The following RANBP2 variants were observed in gnomAD, a reference collection of about 807,000 sequenced individuals.
RANBP2 encodes the protein RAN binding protein 2.
In RANBP2, 57 loss-of-function variants were observed where a neutral mutation model predicts 303.6. That is an observed-to-expected ratio of 0.19 (90% confidence interval 0.15 to 0.23). The LOEUF is 0.23. Ranked by LOEUF, RANBP2 falls within the 10% of genes least tolerant of loss-of-function variation. The probability of loss-of-function intolerance (pLI) is 1.00; values close to 1 mark genes in which losing one functional copy is unlikely to be tolerated. For synonymous variants in RANBP2, 1,167 were observed against 1,301.5 expected, an observed-to-expected ratio of 0.90 and a Z score of 2.23; for missense variants, 3,138 against 3,780.8, an observed-to-expected ratio of 0.83 and a Z score of 4.46.
the RANBP2 span, among the ~76,000 whole-genome samples, chr2:109,259,055 C>G: frequency 6.6e-6 from 1 of 152,260 alleles, no homozygotes. Context: ...CTTGTGCTGC[C>G]AGGGCCCTAG....
At chr2:109,725,248 A>T in the RANBP2 span, among the ~76,000 whole-genome samples, 4 of 152,084 alleles carry the variant, frequency 2.6e-5, no homozygotes, top group Non-Finnish European at 5.9e-5. Flanking sequence ...AGGTCCTCCC[A>T]CCTGAGCCCA....
chr2:108,847,057 T>A, the RANBP2 span: 4 of 628,226 alleles, frequency 6.4e-6, no homozygotes, highest in Non-Finnish European at 1.1e-5. Flanking sequence ...TTATAATGGT[T>A]ACACATTATA....
At chr2:108,971,409 G>C in the RANBP2 span, among the ~76,000 whole-genome samples, 1 of 151,854 alleles carries the variant, frequency 6.6e-6, no homozygotes, top group Non-Finnish European at 1.5e-5. Context: ...CAGGTGATTT[G>C]CGTGCAAATC....
chr2:109,477,832 C>T, the RANBP2 span, among the ~76,000 whole-genome samples: 1 of 152,188 alleles, frequency 6.6e-6, no homozygotes, highest in South Asian at 2.1e-4. Context: ...CTCCCAGAGA[C>T]CCCACCTCCT....
At chr2:109,430,926 A>G in the RANBP2 span, among the ~76,000 whole-genome samples, 14 of 152,228 alleles carry the variant, frequency 9.2e-5, no homozygotes, top group African/African-American at 2.9e-4. Flanking sequence ...GACACCTATC[A>G]ACAAAGGAAA....
the RANBP2 span, among the ~76,000 whole-genome samples, chr2:109,650,064 G>C: frequency 1.3e-4 from 20 of 152,142 alleles, no homozygotes; most frequent in African/African-American, 4.6e-4. Flanking sequence ...ACAGTAATAT[G>C]GGTGACTTTC....
chr2:109,616,011 C>G, the RANBP2 span: 8 of 1,533,878 alleles, frequency 5.2e-6, no homozygotes, highest in Non-Finnish European at 7.0e-6. Flanking sequence ...GGAGGAACGA[C>G]CTGTTAAAGG....
chr2:109,370,227 G>GTCTCTGTCTCTC, the RANBP2 span, among the ~76,000 whole-genome samples: 3 of 96,642 alleles, frequency 3.1e-5, no homozygotes, highest in Non-Finnish European at 6.9e-5. Context: ...CTCTGTCTCT[G>GTCTCTGTCTCTC]TCTCTCTCTC....
the RANBP2 span, among the ~76,000 whole-genome samples, chr2:108,892,409 T>G: frequency 2.6e-5 from 4 of 152,170 alleles, no homozygotes; most frequent in Middle Eastern, 3.2e-3. Context: ...TGTTTGTTTC[T>G]TAGCCCTGGC....
At chr2:109,446,886 C>T in the RANBP2 span, among the ~76,000 whole-genome samples, 4 of 152,158 alleles carry the variant, frequency 2.6e-5, no homozygotes, top group East Asian at 3.9e-4. Context: ...GTCCCAACGC[C>T]GAGGGCCACA....
the RANBP2 span, among the ~76,000 whole-genome samples, chr2:109,764,157 T>C: frequency 1.3e-5 from 2 of 150,168 alleles, no homozygotes; most frequent in African/African-American, 4.9e-5. Context: ...TAATTCCACT[T>C]CCAGTTTCTG....
the RANBP2 span, among the ~76,000 whole-genome samples, chr2:109,272,984 A>G: frequency 2.0e-5 from 3 of 152,198 alleles, no homozygotes; most frequent in African/African-American, 7.2e-5. Flanking sequence ...TACTGGAAGA[A>G]ATTAAAACAG....
chr2:109,171,406 A>G, the RANBP2 span, among the ~76,000 whole-genome samples: 1 of 152,322 alleles, frequency 6.6e-6, no homozygotes, highest in South Asian at 2.1e-4. Flanking sequence ...TTCGGAGAAA[A>G]TTATCTGCAT....
chr2:109,239,624 A>G, the RANBP2 span, among the ~76,000 whole-genome samples: 1 of 152,174 alleles, frequency 6.6e-6, no homozygotes, highest in African/African-American at 2.4e-5. Context: ...ATCATCCAGG[A>G]TAACAGGGAG....
chr2:109,323,771 T>G, the RANBP2 span, among the ~76,000 whole-genome samples: 1 of 152,252 alleles, frequency 6.6e-6, no homozygotes, highest in Admixed American at 6.5e-5. Flanking sequence ...ACATGTTTTA[T>G]AGATGTTAAT....
At chr2:108,982,421 G>A in the RANBP2 span, among the ~76,000 whole-genome samples, 1 of 152,252 alleles carries the variant, frequency 6.6e-6, no homozygotes, top group African/African-American at 2.4e-5. Context: ...CATGCAGCCA[G>A]TCCTTTAAGA....
chr2:109,302,037 TC>T, the RANBP2 span, among the ~76,000 whole-genome samples: 4 of 152,224 alleles, frequency 2.6e-5, no homozygotes, highest in South Asian at 8.3e-4. Flanking sequence ...TAGAGGTTTT[TC>T]TTTCTAGAGC....
At chr2:108,947,174 A>C in the RANBP2 span, among the ~76,000 whole-genome samples, 1 of 152,228 alleles carries the variant, frequency 6.6e-6, no homozygotes, top group African/African-American at 2.4e-5. Flanking sequence ...ATTAAATCTT[A>C]AAGCTCCAAA....
chr2:109,300,222 T>TA, the RANBP2 span, among the ~76,000 whole-genome samples: 2 of 152,116 alleles, frequency 1.3e-5, no homozygotes, highest in Admixed American at 6.5e-5. Flanking sequence ...TTCTTTGAGA[T>TA]AGAGTCTCAC....
Sources: gnomAD v4.1 joint callset for allele counts (sites outside exome capture counted in the v4.1 genomes callset) on GRCh38, gnomAD v4.1.1 for gene constraint, MANE v1.5 for transcripts, NCBI Gene and HGNC (gene_info 2026-07-23, HGNC 2026-07-21) for gene names.